RTF2: variants seen among roughly 807,000 people sequenced by gnomAD.
RTF2 encodes replication termination factor 2, also known as UPF0549 protein C20orf43.
A neutral mutation model predicts 38.0 loss-of-function variants in RTF2; 18 were observed. The ratio of observed to expected loss-of-function variants is 0.47; its 90% CI spans 0.33 to 0.70. RTF2 has a LOEUF of 0.70. Among genes scored for constraint, RTF2 ranks in the 30% least tolerant of loss-of-function variants. The pLI is 0.02. For synonymous variants in RTF2, 126 were observed against 137.1 expected, an observed-to-expected ratio of 0.92 and a Z score of 0.57; for missense variants, 311 against 379.6, an observed-to-expected ratio of 0.82 and a Z score of 1.50.
chr20:56,516,762 G>A, intron 6 of RTF2, 173 bp from the exon 7 acceptor site: 2 of 665,660 alleles, frequency 3.0e-6, no homozygotes, highest in South Asian at 1.8e-5. Flanking sequence ...ACATGCAGAG[G>A]GTGAAGGCTT....
intron 4 of RTF2, 103 bp downstream of exon 4, chr20:56,477,227 G>C: frequency 7.3e-7 from 1 of 1,364,864 alleles, no homozygotes; most frequent in Admixed American, 2.3e-5. Context: ...CTTGCTTTCT[G>C]GTGTCCTTGG....
At chr20:56,501,203 C>CT (rs35521725) in intron 5 of RTF2, among the ~76,000 whole-genome samples, 14 of 147,758 alleles carry the variant, frequency 9.5e-5, no homozygotes, top group Admixed American at 1.3e-4. Context: ...CATGGCCTGA[C>CT]TTTTTTTTTT....
chr20:56,493,965 C>T (rs1231680675), intron 5 of RTF2, among the ~76,000 whole-genome samples: 1 of 152,156 alleles, frequency 6.6e-6, no homozygotes, highest in Non-Finnish European at 1.5e-5. Flanking sequence ...AGTCTGAGCC[C>T]CAGCCCTGCC....
At chr20:56,495,959 C>G (rs1463133277) in intron 5 of RTF2, among the ~76,000 whole-genome samples, 1 of 152,196 alleles carries the variant, frequency 6.6e-6, no homozygotes, top group African/African-American at 2.4e-5. Context: ...ACAGAGAGCC[C>G]TTAGCACAAT....
intron 5 of RTF2, among the ~76,000 whole-genome samples, chr20:56,502,880 C>T (rs1205633183): frequency 6.6e-6 from 1 of 152,192 alleles, no homozygotes; most frequent in East Asian, 1.9e-4. Context: ...GCTCACAGCC[C>T]TAGCACTTAC....
At chr20:56,497,086 A>T in intron 5 of RTF2, 1 of 1,551,774 alleles carries the variant, frequency 6.4e-7, no homozygotes. Context: ...AAGCCAGCAT[A>T]AGCCACCTTC....
intron 5 of RTF2, among the ~76,000 whole-genome samples, chr20:56,486,691 A>C (rs1982810971): frequency 6.6e-6 from 1 of 152,164 alleles, no homozygotes; most frequent in Admixed American, 6.5e-5. Flanking sequence ...TAGCAGTTAA[A>C]ATTAAGCAGA....
chr20:56,506,467 T>C (rs1984278262), intron 5 of RTF2, among the ~76,000 whole-genome samples: 2 of 152,158 alleles, frequency 1.3e-5, no homozygotes, highest in African/African-American at 2.4e-5. Context: ...ACTGTTCCAT[T>C]TGTTAAAGTG....
chr20:56,484,099 T>G lies in RTF2; in HGVS notation c.399-12T>G, dbSNP rs781293348. 6.2e-7 allele frequency: 1 copy of G among 1,613,502 alleles called. No individual in the cohort carries two copies. The highest frequency in any genetic ancestry group is 1.7e-5 in the Admixed American group (1 of 60,016). ...TTAATACAGTCCTTCCCCCACTGGGTTATTTCTCCAGGTTCTGCTTCCTTC... is the reference window on the plus strand; with the variant it reads ...TTAATACAGTCCTTCCCCCACTGGGGTATTTCTCCAGGTTCTGCTTCCTTC... On this transcript the variant is annotated splice_polypyrimidine_tract_variant and intron_variant, in intron 4 of 8. Transcript: ENST00000357348.
At chr20:56,480,099 C>T (rs113449291) in intron 4 of RTF2, among the ~76,000 whole-genome samples, 2 of 152,248 alleles carry the variant, frequency 1.3e-5, no homozygotes, top group Non-Finnish European at 2.9e-5. Context: ...CAGTAGAAGT[C>T]CTGGATAGCA....
chr20:56,478,558 A>G (rs778244542), intron 4 of RTF2, among the ~76,000 whole-genome samples: 5 of 152,206 alleles, frequency 3.3e-5, no homozygotes, highest in African/African-American at 9.7e-5. Context: ...ATGTCTAAAA[A>G]CAAAGTACCT....
intron 8 of RTF2, 148 bp downstream of exon 8, chr20:56,517,349 G>A: frequency 1.5e-6 from 1 of 653,386 alleles, no homozygotes; most frequent in Non-Finnish European, 2.7e-6. Flanking sequence ...CTCTTTAGGG[G>A]GGTAACTAAG....
At chr20:56,476,681 T>C (rs1475613584) in intron 3 of RTF2, among the ~76,000 whole-genome samples, 1 of 152,102 alleles carries the variant, frequency 6.6e-6, no homozygotes, top group Non-Finnish European at 1.5e-5. Context: ...GTATTTTTAG[T>C]AGAGACGGGG....
chr20:56,505,997 T>G (rs1984244018), intron 5 of RTF2, among the ~76,000 whole-genome samples: 1 of 152,210 alleles, frequency 6.6e-6, no homozygotes, highest in African/African-American at 2.4e-5. Flanking sequence ...TTAGCATAAG[T>G]TTTCCTTCAA....
At chr20:56,497,096 C>A (rs1342134521) in intron 5 of RTF2, 1 of 1,551,720 alleles carries the variant, frequency 6.4e-7, no homozygotes, top group Admixed American at 2.0e-5. Flanking sequence ...AAGCCACCTT[C>A]TCTGTCTTGG....
intron 1 of RTF2, chr20:56,472,287 T>C (rs1471654107): frequency 1.8e-6 from 2 of 1,100,012 alleles, no homozygotes; most frequent in African/African-American, 3.2e-5. Flanking sequence ...TTTCTCTTCC[T>C]ATTTTCTTCC....
intron 5 of RTF2, among the ~76,000 whole-genome samples, chr20:56,507,119 C>G (rs2146364668): frequency 6.6e-6 from 1 of 152,232 alleles, no homozygotes; most frequent in Middle Eastern, 3.4e-3. Context: ...TAGCAGTACT[C>G]AAGAAAAATG....
At chr20:56,498,850 G>T (rs1180601443) in intron 5 of RTF2, among the ~76,000 whole-genome samples, 1 of 152,148 alleles carries the variant, frequency 6.6e-6, no homozygotes, top group East Asian at 1.9e-4. Context: ...ACGTGTGACT[G>T]GTATTTGAGC....
At chr20:56,504,570 C>G (rs572292759) in intron 5 of RTF2, among the ~76,000 whole-genome samples, 1 of 152,310 alleles carries the variant, frequency 6.6e-6, no homozygotes, top group South Asian at 2.1e-4. Flanking sequence ...CTCTGTGTCG[C>G]CCCCAAGGGT....
Sources: gnomAD v4.1 joint callset for allele counts (sites outside exome capture counted in the v4.1 genomes callset) on GRCh38, gnomAD v4.1.1 for gene constraint, MANE v1.5 for transcripts, NCBI Gene and HGNC (gene_info 2026-07-23, HGNC 2026-07-21) for gene names.